CASP14: variants seen among roughly 807,000 people sequenced by gnomAD.
CASP14 encodes the protein caspase 14, also known as caspase-14.
Under a neutral mutation model 28.4 loss-of-function variants are expected in CASP14, and 27 were observed. The observed-to-expected ratio is 0.95, with a 90% CI of 0.70 to 1.31. The LOEUF is 1.31. CASP14 is among the 50% of genes most tolerant of loss of function. The pLI, the probability that CASP14 is intolerant of heterozygous loss-of-function variation, is 0.00. For missense variants in CASP14, 323 were observed against 312.8 expected (o/e 1.03, Z -0.25); for synonymous variants, 115 against 118.6 (o/e 0.97, Z 0.20).
rs186830696 is a variant in CASP14, at chr19:15,052,226, A to G, written c.-26A>G. The stretch of plus-strand genomic sequence containing the variant: ...CCAAGGATCAGACAAGGGTGCTGAG[A>G]GCCGGGACTCACAACCAAAGGAGAA... On this transcript the variant is annotated 5_prime_UTR_variant, in exon 2 of 7. Coordinates refer to ENST00000427043, the MANE Select transcript of CASP14 (RefSeq NM_012114.3). 2 of 1,583,846 alleles carry G rather than the reference A, an allele frequency of 1.3e-6. No homozygotes were observed. Among genetic ancestry groups the G allele is most frequent in the Non-Finnish European group, 1.7e-6 (2 of 1,166,548 alleles).
At chr19:15,053,445 C>T (rs548029684) in intron 2 of CASP14, 37 bp from the exon 3 acceptor site, 2 of 1,613,140 alleles carry the variant, frequency 1.2e-6, no homozygotes, top group African/African-American at 1.3e-5. Flanking sequence ...TCTCCTTGAA[C>T]CTCTCCATGC....
In CASP14 at chr19:15,058,190, T is replaced by C. The variant is rs2046126561; in HGVS notation, c.*2101T>C. ...CTCTTTTTTCTGATTGATCCTTCCC[T>C]CTCACCCAGGATTAGATGCTGGAAA... On this transcript the variant is annotated 3_prime_UTR_variant, in exon 7 of 7. Coordinates refer to ENST00000427043, the MANE Select transcript of CASP14 (RefSeq NM_012114.3). The C allele has an allele frequency of 6.6e-6, 1 of 152,044 alleles. No individual in the cohort carries two copies. The highest frequency in any genetic ancestry group is 6.6e-5 in the Admixed American group (1 of 15,260). 9.4% of individuals were successfully genotyped at this position (152,044 alleles called of 1,614,324 possible).
At chr19:15,050,819 T>C (rs1294481134) in intron 1 of CASP14, among the ~76,000 whole-genome samples, 2 of 151,876 alleles carry the variant, frequency 1.3e-5, no homozygotes, top group Non-Finnish European at 2.9e-5. Context: ...GATGAATAGA[T>C]GTGTGAGTGG....
intron 2 of CASP14, 95 bp from the exon 3 acceptor site, chr19:15,053,387 C>A: frequency 1.3e-6 from 2 of 1,499,180 alleles, no homozygotes; most frequent in Non-Finnish European, 9.2e-7. Flanking sequence ...GGATCACAGG[C>A]ATGAGCCACC....
chr19:15,052,131 A>G (rs2046093828), intron 1 of CASP14, 75 bp from the exon 2 acceptor site: 1 of 1,096,988 alleles, frequency 9.1e-7, no homozygotes, highest in Non-Finnish European at 1.3e-6. Context: ...AAATCCAGAT[A>G]CATAAGCCAG....
rs1231820606 is a variant in CASP14 at position 15,053,516 on chromosome 19, T to TAATACTGTGTGTCACCAAAGCCCGGGAAG, written c.63_91dup (p.Gly31GlufsTer26). ...GATATGTCAGGTGCCCGCCTGGCCC[T>TAATACTGTGTGTCACCAAAGCCCGGGAAG]AATACTGTGTGTCACCAAAGCCCGG... On this transcript the variant is annotated frameshift_variant, in exon 3 of 7. Transcript: ENST00000427043. LOFTEE classifies it high-confidence loss of function. 1 of 1,614,130 alleles carries TAATACTGTGTGTCACCAAAGCCCGGGAAG rather than the reference T, an allele frequency of 6.2e-7. No homozygotes were observed. The highest frequency in any genetic ancestry group is 8.5e-7 in the Non-Finnish European group (1 of 1,180,024).
rs757589519 is a variant in CASP14, at chr19:15,055,479, C to G, written c.570C>G (p.Thr190=). Residue 190 remains threonine, a synonymous_variant, in exon 6 of 7, where the codon ACC becomes ACG. Coordinates refer to ENST00000427043, the MANE Select transcript of CASP14 (RefSeq NM_012114.3). ...AGAAAGGCTCATGCTTTATCCAGAC[C>G]CTGGTGGATGTGTTCACGAAGAGGA... ...HDQKGSCFIQ[T]LVDVFTKRKG... is the part of the protein sequence containing the mutation. The G allele has an allele frequency of 6.2e-7, 1 of 1,614,080 alleles. No homozygotes were observed. Among genetic ancestry groups the G allele is most frequent in the Non-Finnish European group, 8.5e-7 (1 of 1,179,988 alleles).
At chr19:15,049,831 A>T (rs552790105) in intron 1 of CASP14, among the ~76,000 whole-genome samples, 186 bp downstream of exon 1, 3 of 151,504 alleles carry the variant, frequency 2.0e-5, no homozygotes, top group Admixed American at 6.6e-5. Context: ...CTTTCTTTTC[A>T]TCTGTTCATT....
At chr19:15,049,673 T>A in intron 1 of CASP14, 28 bp downstream of exon 1, 1 of 42,754 alleles carries the variant, frequency 2.3e-5, no homozygotes, top group Admixed American at 2.3e-4. Context: ...TATTAGCCTC[T>A]CTCTCTCTCT....
chr19:15,056,164 T>A lies in CASP14; in HGVS notation c.*75T>A. ...CAGAAATTTAGAGGCAGCTCTTACC[T>A]CTCCCCAAGATCTTCTGTTCCCAAG... is the stretch of plus-strand genomic sequence containing the variant. On this transcript the variant is annotated 3_prime_UTR_variant, in exon 7 of 7. Transcript: ENST00000427043. 1 of 1,196,858 alleles carries A rather than the reference T, an allele frequency of 8.4e-7. No individual in the cohort carries two copies. Among genetic ancestry groups the A allele is most frequent in the Non-Finnish European group, 1.2e-6 (1 of 830,628 alleles). 74.1% of individuals were successfully genotyped at this position (1,196,858 alleles called of 1,614,324 possible). A position where few individuals can be genotyped will look rare whatever the true frequency, so the allele number is the denominator to read the frequency against.
At position 15,056,018 on chromosome 19, in the gene CASP14, C is replaced by A; in HGVS notation, c.658C>A (p.Gln220Lys). Residue 220 changes from glutamine (Q) to lysine (K), a missense_variant, in exon 7 of 7, where the codon CAA (glutamine) becomes AAA (lysine). Gln to Lys is a moderately conservative substitution (Grantham distance 53). Transcript: ENST00000427043. ...GCGGATGGCAGAAGCAGAGCTGGTT[C>A]AAGAAGGAAAAGCAAGGAAAACGAA... Reference protein sequence around the residue: ...TRRMAEAELVQEGKARKTNPE... With the variant: ...TRRMAEAELVKEGKARKTNPE... 6.2e-7 allele frequency: 1 copy of A among 1,608,872 alleles called. No individual in the cohort carries two copies. Among genetic ancestry groups the A allele is most frequent in the South Asian group, 1.1e-5 (1 of 89,966 alleles).
chr19:15,051,996 G>T (rs2046093195), intron 1 of CASP14, among the ~76,000 whole-genome samples: 1 of 152,114 alleles, frequency 6.6e-6, no homozygotes, highest in Non-Finnish European at 1.5e-5. Flanking sequence ...AAGACATCCA[G>T]AAATGGAAGA....
At chr19:15,052,017 T>C (rs2046093296) in intron 1 of CASP14, among the ~76,000 whole-genome samples, 189 bp from the exon 2 acceptor site, 2 of 152,016 alleles carry the variant, frequency 1.3e-5, no homozygotes, top group South Asian at 2.1e-4. Flanking sequence ...CATCGTGAAA[T>C]TGTCATTCTA....
chr19:15,056,028 A>G lies in CASP14; in HGVS notation c.668A>G (p.Lys223Arg), dbSNP rs144959721. 1.2e-6 allele frequency: 2 copies of G among 1,609,366 alleles called. No individual in the cohort carries two copies. Among genetic ancestry groups the G allele is most frequent in the East Asian group, 2.2e-5 (1 of 44,744 alleles). ...GAAGCAGAGCTGGTTCAAGAAGGAA[A>G]AGCAAGGAAAACGAACCCTGAAATC... is the stretch of plus-strand genomic sequence containing the variant. ...MAEAELVQEG[K>R]ARKTNPEIQS... Residue 223 changes from lysine to arginine, a missense_variant, in exon 7 of 7, where the codon AAA (lysine) becomes AGA (arginine). Physicochemically the swap from Lys to Arg is conservative, Grantham distance 26. Coordinates refer to ENST00000427043, the MANE Select transcript of CASP14 (RefSeq NM_012114.3).
rs1454608780 is a variant in CASP14, at chr19:15,053,955, G to A, written c.400G>A (p.Gly134Arg). 2 of 1,612,640 alleles carry A rather than the reference G, an allele frequency of 1.2e-6. No homozygotes were observed. The highest frequency in any genetic ancestry group is 1.7e-6 in the Non-Finnish European group (2 of 1,179,422). Residue 134 changes from glycine to arginine, a missense_variant, in exon 4 of 7, where the codon GGA (glycine) becomes AGA (arginine). Coordinates refer to ENST00000427043, the MANE Select transcript of CASP14 (RefSeq NM_012114.3). Reference sequence around the variant, plus strand: ...GGTGTACATCATACAGGCCTGTCGAGGAGGTGGGGACAGATCCAAGAGCAC... The same window carrying A: ...GGTGTACATCATACAGGCCTGTCGAAGAGGTGGGGACAGATCCAAGAGCAC... ...PKVYIIQACR[G>R]EQRDPGETVG...
At chr19:15,051,633 A>C (rs1267016292) in intron 1 of CASP14, among the ~76,000 whole-genome samples, 5 of 152,184 alleles carry the variant, frequency 3.3e-5, no homozygotes, top group African/African-American at 1.2e-4. Context: ...AACAGGACTC[A>C]GAGATGAGAA....
intron 4 of CASP14, among the ~76,000 whole-genome samples, chr19:15,054,516 G>A (rs185503809): frequency 3.7e-4 from 56 of 152,304 alleles, no homozygotes; most frequent in African/African-American, 1.2e-3. Flanking sequence ...CAGGAGTTAA[G>A]AGGCTGCAGT....
rs201958812 is a variant in CASP14, at chr19:15,055,106, C to T, written c.404-52C>T. 451 of 1,465,302 alleles carry T rather than the reference C, an allele frequency of 3.1e-4. 8 individuals are homozygous for T. The highest frequency in any genetic ancestry group is 4.6e-5 in the Non-Finnish European group (48 of 1,045,398). 90.8% of individuals were successfully genotyped at this position (1,465,302 alleles called of 1,614,324 possible). The stretch of plus-strand genomic sequence containing the variant: ...AGGTGTGAGCCACCCTGCCCAGCCC[C>T]TTTCCTTACCTTTCTCTCTGACTTT... On this transcript the variant is annotated intron_variant, in intron 4 of 6. Coordinates refer to ENST00000427043, the MANE Select transcript of CASP14 (RefSeq NM_012114.3).
chr19:15,055,046 C>A, intron 4 of CASP14, 112 bp from the exon 5 acceptor site: 1 of 759,726 alleles, frequency 1.3e-6, no homozygotes, highest in Non-Finnish European at 2.3e-6. Context: ...TTCAAGTGAT[C>A]CTCCTGCTTC....
Sources: gnomAD v4.1 joint callset for allele counts (sites outside exome capture counted in the v4.1 genomes callset) on GRCh38, gnomAD v4.1.1 for gene constraint, MANE v1.5 for transcripts, NCBI Gene and HGNC (gene_info 2026-07-23, HGNC 2026-07-21) for gene names.